LMBR1: variants seen among roughly 807,000 people sequenced by gnomAD.
LMBR1 encodes the protein limb region 1 protein homolog.
LMBR1 carries 52 observed loss-of-function variants against 73.9 expected under a neutral mutation model. The observed-to-expected ratio is 0.70, with a 90% CI of 0.56 to 0.89. The LOEUF (loss-of-function observed/expected upper bound fraction) is 0.89, where lower values mean the gene tolerates loss of function less well. Among genes scored for constraint, LMBR1 ranks in the 40% least tolerant of loss-of-function variants. LMBR1 has a pLI of 0.00. For synonymous variants in LMBR1, 215 were observed against 209.4 expected (o/e 1.03, Z -0.23); for missense variants, 539 against 579.8 (o/e 0.93, Z 0.72).
chr7:156,758,133 T>A (rs937078824), intron 8 of LMBR1, among the ~76,000 whole-genome samples: 16 of 152,152 alleles, frequency 1.1e-4, no homozygotes, highest in African/African-American at 3.6e-4. Context: ...TGTGAGCTAC[T>A]CCCGAGGAGA....
At chr7:156,711,084 G>T (rs1174701434) in intron 15 of LMBR1, among the ~76,000 whole-genome samples, 1 of 152,226 alleles carries the variant, frequency 6.6e-6, no homozygotes, top group Admixed American at 6.5e-5. Flanking sequence ...GCCAAGGTGG[G>T]CAGATCACAA....
intron 4 of LMBR1, among the ~76,000 whole-genome samples, chr7:156,821,335 C>G (rs970491456): frequency 1.3e-5 from 2 of 152,208 alleles, no homozygotes; most frequent in Non-Finnish European, 2.9e-5. Context: ...CGGAGGAAGA[C>G]CTGGGCCTGG....
intron 15 of LMBR1, among the ~76,000 whole-genome samples, chr7:156,711,027 C>A (rs1811969479): frequency 6.6e-6 from 1 of 152,078 alleles, no homozygotes; most frequent in Non-Finnish European, 1.5e-5. Context: ...AAATAAACTA[C>A]AGGCTGGATA....
intron 1 of LMBR1, among the ~76,000 whole-genome samples, chr7:156,859,631 T>C (rs1363073900): frequency 1.3e-5 from 2 of 152,020 alleles, no homozygotes; most frequent in Non-Finnish European, 2.9e-5. Context: ...GATATAAAAC[T>C]ACAAAACTCT....
Position 156,683,778 on chromosome 7 carries a change from T to C in LMBR1, c.*300A>G, listed in dbSNP as rs1394979640. The C allele has an allele frequency of 7.9e-6, 2 of 253,510 alleles. No individual in the cohort carries two copies. Among genetic ancestry groups the C allele is most frequent in the Non-Finnish European group, 1.5e-5 (2 of 135,054 alleles). The allele number at this position is 253,510 out of a possible 1,614,324, so 15.7% of individuals were successfully genotyped here. A position where few individuals can be genotyped will look rare whatever the true frequency, so the allele number is the denominator to read the frequency against. On this transcript the variant is annotated 3_prime_UTR_variant, in exon 17 of 17. Coordinates refer to ENST00000353442, the MANE Select transcript of LMBR1 (RefSeq NM_022458.4). ...ATTTTCATATCAGGTGAAAACAATT[T>C]TTTCATATGGGTGATTGTATTTACC...
At chr7:156,847,362 T>C (rs1229296671) in intron 1 of LMBR1, among the ~76,000 whole-genome samples, 1 of 152,156 alleles carries the variant, frequency 6.6e-6, no homozygotes, top group Non-Finnish European at 1.5e-5. Context: ...GGAGAAAATC[T>C]AGATGGCCTT....
intron 1 of LMBR1, among the ~76,000 whole-genome samples, chr7:156,889,380 A>ATC (rs1802513032): frequency 8.2e-6 from 1 of 122,584 alleles, no homozygotes; most frequent in African/African-American, 3.2e-5. Context: ...TATATATCTT[A>ATC]TTATGATAAA....
chr7:156,748,219 A>T (rs73741521), intron 9 of LMBR1, among the ~76,000 whole-genome samples: 1,993 of 152,332 alleles, frequency 0.013, 46 homozygotes, highest in African/African-American at 0.046. Flanking sequence ...GAAAATGCAA[A>T]TATGCTTTCA....
downstream of LMBR1, chr7:156,675,629 G>A (rs1408065754): frequency 7.8e-6 from 11 of 1,407,170 alleles, no homozygotes; most frequent in South Asian, 4.7e-5. Flanking sequence ...GGTCAGGCTC[G>A]AGAGCGCTTC....
At chr7:156,837,011 AT>A in intron 1 of LMBR1, 126 bp from the exon 2 acceptor site, 1 of 646,406 alleles carries the variant, frequency 1.5e-6, no homozygotes, top group Non-Finnish European at 2.6e-6. Context: ...AATGCTGGAC[AT>A]TTTACTCATT....
chr7:156,782,760 G>T (rs187575160), intron 5 of LMBR1, among the ~76,000 whole-genome samples: 4 of 152,270 alleles, frequency 2.6e-5, no homozygotes, highest in Admixed American at 1.3e-4. Context: ...GGCCGGGCTG[G>T]TCTCAAACTC....
chr7:156,734,666 CAT>C (rs761035596), intron 9 of LMBR1, among the ~76,000 whole-genome samples: 2 of 152,196 alleles, frequency 1.3e-5, no homozygotes, highest in African/African-American at 4.8e-5. Flanking sequence ...ATAAATGCTA[CAT>C]GTTTCCTAGA....
At chr7:156,704,479 T>C (rs949978525) in intron 15 of LMBR1, among the ~76,000 whole-genome samples, 7 of 151,384 alleles carry the variant, frequency 4.6e-5, no homozygotes, top group Admixed American at 1.3e-4. Flanking sequence ...AATTTAAAAA[T>C]AAGCAGCAAC....
chr7:156,676,402 C>G (rs2302149), downstream of LMBR1: 1 of 1,613,746 alleles, frequency 6.2e-7, no homozygotes, highest in South Asian at 1.1e-5. Flanking sequence ...GGCCTCTTCC[C>G]GTCCTGTGTG....
intron 4 of LMBR1, among the ~76,000 whole-genome samples, chr7:156,809,025 A>G (rs1832651893): frequency 6.6e-6 from 1 of 152,234 alleles, no homozygotes; most frequent in Admixed American, 6.5e-5. Context: ...CTTTTTAAAC[A>G]GCCAATTATC....
intron 1 of LMBR1, among the ~76,000 whole-genome samples, chr7:156,878,628 C>T (rs1055272898): frequency 2.6e-5 from 4 of 152,122 alleles, no homozygotes; most frequent in Admixed American, 2.6e-4. Context: ...GACCATACTG[C>T]CAAAAGCAAT....
At chr7:156,708,529 T>C (rs1472770253) in intron 15 of LMBR1, among the ~76,000 whole-genome samples, 2 of 152,164 alleles carry the variant, frequency 1.3e-5, no homozygotes, top group African/African-American at 2.4e-5. Flanking sequence ...TCCCTGACTA[T>C]ATCTCACAGG....
chr7:156,741,782 C>T (rs146189189), intron 9 of LMBR1, among the ~76,000 whole-genome samples: 1 of 152,260 alleles, frequency 6.6e-6, no homozygotes, highest in African/African-American at 2.4e-5. Flanking sequence ...TTAATCTGTA[C>T]TGTACAACAA....
At chr7:156,891,544 G>A (rs73167977) in intron 1 of LMBR1, among the ~76,000 whole-genome samples, 15,118 of 152,038 alleles carry the variant, frequency 0.099, 852 homozygotes, top group African/African-American at 0.13. Flanking sequence ...GTTTACCCTT[G>A]GTGGAGGAGA....
Sources: gnomAD v4.1 joint callset for allele counts (sites outside exome capture counted in the v4.1 genomes callset) on GRCh38, gnomAD v4.1.1 for gene constraint, MANE v1.5 for transcripts, NCBI Gene and HGNC (gene_info 2026-07-23, HGNC 2026-07-21) for gene names.